Variants in ARHGAP10 observed in about 807,000 individuals in gnomAD.
ARHGAP10 encodes rho GTPase-activating protein 10.
Under a neutral mutation model 108.6 loss-of-function variants are expected in ARHGAP10, and 87 were observed. The observed-to-expected ratio is 0.80, with a 90% CI of 0.67 to 0.96. The LOEUF (loss-of-function observed/expected upper bound fraction) is 0.96, where lower values mean the gene tolerates loss of function less well. Among genes scored for constraint, ARHGAP10 ranks in the 40% least tolerant of loss-of-function variants. The pLI, the probability that ARHGAP10 is intolerant of heterozygous loss-of-function variation, is 0.00. For missense variants in ARHGAP10, 939 were observed against 954.5 expected (o/e 0.98, Z 0.21); for synonymous variants, 347 against 341.1 (o/e 1.02, Z -0.19).
intron 3 of ARHGAP10, among the ~76,000 whole-genome samples, chr4:147,839,084 GATCTATCGT>G (rs1421415528): frequency 1.1e-3 from 172 of 150,156 alleles, no homozygotes; most frequent in Non-Finnish European, 2.1e-3. Context: ...TTTATGTTTA[GATCTATCGT>G]ATCTATCTAT....
At chr4:147,764,135 A>G (rs891449742) in intron 1 of ARHGAP10, among the ~76,000 whole-genome samples, 1 of 152,158 alleles carries the variant, frequency 6.6e-6, no homozygotes. Flanking sequence ...GGAAGGTAGG[A>G]CGTGAGCAAG....
intron 10 of ARHGAP10, among the ~76,000 whole-genome samples, chr4:147,882,237 C>T (rs918216241): frequency 2.0e-5 from 3 of 151,888 alleles, no homozygotes; most frequent in Non-Finnish European, 4.4e-5. Context: ...CCGAGGTGGG[C>T]AGATTATGAG....
chr4:147,871,023 A>G (rs1359040830), intron 7 of ARHGAP10, among the ~76,000 whole-genome samples: 1 of 150,326 alleles, frequency 6.7e-6, no homozygotes, highest in Non-Finnish European at 1.5e-5. Context: ...GCTGTGGCCC[A>G]GTCTCGGCTC....
chr4:147,900,598 T>A (rs1323932885), intron 10 of ARHGAP10, among the ~76,000 whole-genome samples: 2 of 152,192 alleles, frequency 1.3e-5, no homozygotes, highest in African/African-American at 4.8e-5. Flanking sequence ...TAGTGTGGTT[T>A]AAGTGAATTA....
chr4:147,971,826 T>G (rs980685018), intron 18 of ARHGAP10, among the ~76,000 whole-genome samples: 1 of 152,156 alleles, frequency 6.6e-6, no homozygotes, highest in African/African-American at 2.4e-5. Flanking sequence ...CAGCAGGATT[T>G]GCAGTAGGAA....
At chr4:148,007,303 G>T (rs1740989053) in intron 18 of ARHGAP10, among the ~76,000 whole-genome samples, 1 of 152,204 alleles carries the variant, frequency 6.6e-6, no homozygotes, top group African/African-American at 2.4e-5. Context: ...TCCCTGAAAT[G>T]ATCAGGGCAA....
chr4:147,778,598 C>T (rs925500390), intron 1 of ARHGAP10, among the ~76,000 whole-genome samples: 2 of 152,188 alleles, frequency 1.3e-5, no homozygotes, highest in Admixed American at 6.5e-5. Flanking sequence ...CACGTGTTCT[C>T]TCCCTCATAC....
intron 3 of ARHGAP10, among the ~76,000 whole-genome samples, chr4:147,828,400 T>A (rs905677898): frequency 6.6e-6 from 1 of 152,220 alleles, no homozygotes; most frequent in Admixed American, 6.5e-5. Context: ...CTCATCTCTA[T>A]GCTTAAATAG....
intron 18 of ARHGAP10, among the ~76,000 whole-genome samples, chr4:147,983,895 T>C (rs910950924): frequency 2.0e-5 from 3 of 152,228 alleles, no homozygotes. Flanking sequence ...GGAGTTCTTA[T>C]GCTGGTTTCT....
intron 1 of ARHGAP10, among the ~76,000 whole-genome samples, chr4:147,772,958 G>A (rs1348911623): frequency 2.0e-5 from 3 of 152,042 alleles, no homozygotes; most frequent in African/African-American, 7.2e-5. Flanking sequence ...ATAGGAGTTA[G>A]GTGGAACTCT....
chr4:147,782,356 C>T (rs1730569589), intron 1 of ARHGAP10, among the ~76,000 whole-genome samples: 1 of 152,148 alleles, frequency 6.6e-6, no homozygotes. Context: ...GCATTTTCCA[C>T]ATGGCATATG....
At chr4:148,030,304 G>A (rs1728088493) in intron 19 of ARHGAP10, among the ~76,000 whole-genome samples, 1 of 152,092 alleles carries the variant, frequency 6.6e-6, no homozygotes, top group Admixed American at 6.5e-5. Flanking sequence ...CTGAATTCAA[G>A]CAGCTGTCAC....
intron 1 of ARHGAP10, among the ~76,000 whole-genome samples, chr4:147,790,016 T>TA (rs1225378122): frequency 1.1e-4 from 16 of 147,050 alleles, no homozygotes; most frequent in African/African-American, 3.3e-4. Context: ...TTTTTTTTTT[T>TA]AAATCCTAGT....
At chr4:147,873,390 A>G (rs991725871) in intron 7 of ARHGAP10, among the ~76,000 whole-genome samples, 2 of 152,124 alleles carry the variant, frequency 1.3e-5, no homozygotes, top group Admixed American at 1.3e-4. Flanking sequence ...GATAGCATCC[A>G]TACATGTATG....
chr4:147,781,681 CTTT>C (rs56781517), intron 1 of ARHGAP10, among the ~76,000 whole-genome samples: 1 of 130,574 alleles, frequency 7.7e-6, no homozygotes, highest in Non-Finnish European at 1.6e-5. Flanking sequence ...CTTTTCTTTT[CTTT>C]TTTTTTTTTT....
chr4:147,928,716 C>A (rs1737555461), intron 13 of ARHGAP10, among the ~76,000 whole-genome samples: 1 of 152,152 alleles, frequency 6.6e-6, no homozygotes, highest in Non-Finnish European at 1.5e-5. Flanking sequence ...ACTCTCTTCC[C>A]AGCATGTGCT....
rs573946994 is a variant in ARHGAP10, at chr4:148,064,735, A to G, written c.2272+228A>G. On this transcript the variant is annotated intron_variant, in intron 22 of 22. Transcript: ENST00000336498. The stretch of plus-strand genomic sequence containing the variant: ...TTGCTTCTTGATTACTCTCTGACCC[A>G]TCTCATCTTGTGGGTCTTCATTCAG... 4.2e-5 allele frequency among the ~76,000 whole-genome samples: 6 copies of G among 142,766 alleles called. No homozygotes were observed. The East Asian group carries it at 1.2e-3, about 28-fold the overall frequency. 93.7% of individuals were successfully genotyped at this position (142,766 alleles called of 152,430 possible).
intron 1 of ARHGAP10, among the ~76,000 whole-genome samples, chr4:147,739,113 G>A (rs1186891103): frequency 6.6e-6 from 1 of 151,452 alleles, no homozygotes; most frequent in Non-Finnish European, 1.5e-5. Context: ...CTTGAATCCA[G>A]GAGACGGAGG....
rs116057864 is a variant in ARHGAP10, at chr4:147,910,434, C to T, written c.1162+657C>T. Among the ~76,000 whole-genome samples, 354 of 152,036 alleles carry T rather than the reference C, an allele frequency of 2.3e-3. 1 individual carries two copies. Among genetic ancestry groups the T allele is most frequent in the African/African-American group, 6.7e-3 (279 of 41,476 alleles). ...CACATAAGAGTTTCAAGTATGCAAC[C>T]TTCAACTTCTTGTCTGAGTTAACTC... is the stretch of plus-strand genomic sequence containing the variant. On this transcript the variant is annotated intron_variant, in intron 12 of 22. Coordinates refer to ENST00000336498, the MANE Select transcript of ARHGAP10 (RefSeq NM_024605.4).
Sources: gnomAD v4.1 joint callset for allele counts (sites outside exome capture counted in the v4.1 genomes callset) on GRCh38, gnomAD v4.1.1 for gene constraint, MANE v1.5 for transcripts, NCBI Gene and HGNC (gene_info 2026-07-23, HGNC 2026-07-21) for gene names.